The following TNIP3 variants were observed in gnomAD, a reference collection of about 807,000 sequenced individuals.
The protein encoded by TNIP3 is TNFAIP3 interacting protein 3, also known as TNFAIP3-interacting protein 3.
TNIP3 carries 34 observed loss-of-function variants against 54.1 expected under a neutral mutation model. That is an observed-to-expected ratio of 0.63 (90% confidence interval 0.48 to 0.84). The LOEUF is 0.84. TNIP3 is among the 40% of genes least tolerant of loss of function. The pLI, the probability that TNIP3 is intolerant of heterozygous loss-of-function variation, is 0.00. For missense variants in TNIP3, 366 were observed against 387.6 expected (o/e 0.94, Z 0.47); for synonymous variants, 134 against 136.8 (o/e 0.98, Z 0.14).
At chr4:121,185,906 G>A (rs1460611561) in intron 2 of TNIP3, among the ~76,000 whole-genome samples, 2 of 152,208 alleles carry the variant, frequency 1.3e-5, no homozygotes, top group Admixed American at 1.3e-4. Context: ...ATCACATGCA[G>A]TCATCACTGT....
At chr4:121,182,559 GACA>G in intron 3 of TNIP3, 1 of 1,204,828 alleles carries the variant, frequency 8.3e-7, no homozygotes, top group Non-Finnish European at 1.1e-6. Flanking sequence ...CCTCTCAGCT[GACA>G]AGGAAGTACA....
intron 9 of TNIP3, among the ~76,000 whole-genome samples, chr4:121,139,342 T>C (rs1579368789): frequency 1.3e-5 from 2 of 152,200 alleles, no homozygotes; most frequent in Non-Finnish European, 1.5e-5. Flanking sequence ...TCGAACAAAT[T>C]GCATTGAATA....
intron 9 of TNIP3, among the ~76,000 whole-genome samples, chr4:121,141,199 T>A (rs922656543): frequency 2.6e-5 from 4 of 152,190 alleles, no homozygotes; most frequent in African/African-American, 9.7e-5. Context: ...GGTGGAATAC[T>A]GCTATTGAGA....
chr4:121,160,120 T>A (rs1161807334), intron 2 of TNIP3, among the ~76,000 whole-genome samples: 1 of 152,122 alleles, frequency 6.6e-6, no homozygotes, highest in Non-Finnish European at 1.5e-5. Context: ...TCTTCAAGTA[T>A]CAAAGAAGAG....
chr4:121,133,250 A>G lies in TNIP3; in HGVS notation c.947-588T>C, dbSNP rs561483789. 1.6e-3 allele frequency among the ~76,000 whole-genome samples: 250 copies of G among 152,338 alleles called. 1 individual carries two copies. The highest frequency in any genetic ancestry group is 5.7e-3 in the African/African-American group (236 of 41,578). On this transcript the variant is annotated intron_variant, in intron 10 of 10. Transcript: ENST00000057513. ...ATCATAGAAATGCCAAGAAACAAAG[A>G]GTTATCCTTATCCCTGATAACTTAA...
intron 10 of TNIP3, 46 bp downstream of exon 10, chr4:121,138,578 T>C (rs1246357184): frequency 6.5e-7 from 1 of 1,550,316 alleles, no homozygotes; most frequent in Non-Finnish European, 8.9e-7. Flanking sequence ...AAAGATCCCA[T>C]TAAGATGTAA....
rs1041154654 is a variant in TNIP3 at position 121,209,883 on chromosome 4, T to TA, written c.68+6531dup. On this transcript the variant is annotated intron_variant, in intron 2 of 12. Transcript: ENST00000507879. ...ACTTCTTATGGTATATTTCTTACTG[T>TA]AAAAAACTAGTTGGTGGCACATTTT... Among the ~76,000 whole-genome samples the TA allele has an allele frequency of 2.5e-4, 38 of 152,334 alleles. 1 individual carries two copies. Among genetic ancestry groups the TA allele is most frequent in the Admixed American group, 2.4e-3 (36 of 15,298 alleles).
At chr4:121,195,946 C>T (rs1725554274) in intron 2 of TNIP3, among the ~76,000 whole-genome samples, 1 of 152,190 alleles carries the variant, frequency 6.6e-6, no homozygotes, top group African/African-American at 2.4e-5. Context: ...GTTGCTGATG[C>T]TTGTAGAAAT....
At chr4:121,207,617 G>C (rs939349425) in intron 2 of TNIP3, among the ~76,000 whole-genome samples, 1 of 152,146 alleles carries the variant, frequency 6.6e-6, no homozygotes, top group African/African-American at 2.4e-5. Context: ...CAGCCACACA[G>C]AGGAGAGCAA....
chr4:121,215,761 C>T (rs1278046650), intron 2 of TNIP3, among the ~76,000 whole-genome samples: 1 of 151,844 alleles, frequency 6.6e-6, no homozygotes, highest in Non-Finnish European at 1.5e-5. Flanking sequence ...ATATATGATG[C>T]TTAGGCATCT....
chr4:121,178,573 C>T (rs938997483), intron 3 of TNIP3, among the ~76,000 whole-genome samples: 2 of 152,144 alleles, frequency 1.3e-5, no homozygotes, highest in Admixed American at 6.5e-5. Flanking sequence ...GAAACAAGGA[C>T]AGTTTGAGCA....
At position 121,138,631 on chromosome 4, in the gene TNIP3, CT is replaced by C. The variant is rs1045255824; in HGVS notation, c.938del (p.Lys313ArgfsTer8). The C allele has an allele frequency of 2.5e-6, 4 of 1,613,818 alleles. No homozygotes were observed. The African/African-American group carries it at 5.3e-5, about 22-fold the overall frequency. On this transcript the variant is annotated frameshift_variant, in exon 10 of 11. Transcript: ENST00000057513. LOFTEE classifies it high-confidence loss of function. ...LDQLPPDVQH[K>X]ANGLSSVKKV... ...ATACAGCTGTGGTCTCACCATTTGC[CT>C]TGTGTTGTACATCTGGCGGAAGCTG...
intron 10 of TNIP3, among the ~76,000 whole-genome samples, chr4:121,135,949 T>A (rs1166695031): frequency 6.6e-6 from 1 of 152,146 alleles, no homozygotes; most frequent in Non-Finnish European, 1.5e-5. Flanking sequence ...AAAGGAGGCA[T>A]AGGAATCCCA....
chr4:121,191,922 G>A (rs1378292271), intron 2 of TNIP3, among the ~76,000 whole-genome samples: 2 of 152,154 alleles, frequency 1.3e-5, no homozygotes, highest in African/African-American at 4.8e-5. Flanking sequence ...GACAAAGGTG[G>A]TGATAAGGAC....
intron 2 of TNIP3, among the ~76,000 whole-genome samples, chr4:121,204,594 A>G (rs531089172): frequency 3.3e-5 from 5 of 152,154 alleles, no homozygotes; most frequent in African/African-American, 4.8e-5. Flanking sequence ...TCATTTCTCT[A>G]TGATGGAATA....
At chr4:121,195,055 C>T (rs978788519) in intron 2 of TNIP3, among the ~76,000 whole-genome samples, 2 of 148,790 alleles carry the variant, frequency 1.3e-5, no homozygotes, top group African/African-American at 5.2e-5. Flanking sequence ...GTAATCCCAG[C>T]TACTCAGGAG....
chr4:121,146,111 T>C (rs958272054), intron 7 of TNIP3, among the ~76,000 whole-genome samples: 1 of 152,194 alleles, frequency 6.6e-6, no homozygotes, highest in African/African-American at 2.4e-5. Flanking sequence ...ATAAAATTAT[T>C]TGATTTTTTA....
chr4:121,150,039 C>A lies in TNIP3; in HGVS notation c.609+64G>T. 4.0e-6 allele frequency: 4 copies of A among 1,003,204 alleles called. No homozygotes were observed. In the East Asian group the frequency reaches 7.4e-5, roughly 19 times the overall value. The allele number at this position is 1,003,204 out of a possible 1,614,324, so 62.1% of individuals were successfully genotyped here. A position where few individuals can be genotyped will look rare whatever the true frequency, so the allele number is the denominator to read the frequency against. On this transcript the variant is annotated intron_variant, in intron 6 of 10. Coordinates refer to ENST00000057513, the MANE Select transcript of TNIP3 (RefSeq NM_024873.6). ...CTAGCAGCAAGACATCTAAAAATGC[C>A]CAAAGAAGCATGAAAAATGGGCAGT...
At chr4:121,208,559 C>T (rs913184397) in intron 2 of TNIP3, among the ~76,000 whole-genome samples, 4 of 152,162 alleles carry the variant, frequency 2.6e-5, no homozygotes, top group Admixed American at 2.6e-4. Flanking sequence ...TTCAGGGAGA[C>T]AGATTTGAGT....
Sources: allele counts gnomAD v4.1 joint callset (sites outside exome capture counted in the v4.1 genomes callset), GRCh38; gene constraint gnomAD v4.1.1; transcripts MANE v1.5; gene names NCBI Gene and HGNC (gene_info 2026-07-23, HGNC 2026-07-21).